The following GCFC2 variants were observed in gnomAD, a reference collection of about 807,000 sequenced individuals.
The protein encoded by GCFC2 is GC-rich sequence DNA-binding factor 2, also known as intron Large complex component GCFC2.
Under a neutral mutation model 99.4 loss-of-function variants are expected in GCFC2, and 102 were observed. That is an observed-to-expected ratio of 1.03 (90% CI 0.87 to 1.21). GCFC2 has a LOEUF of 1.21. Ranked by LOEUF, GCFC2 falls within the 50% of genes most tolerant of loss-of-function variation. The pLI is 0.00. For synonymous variants in GCFC2, 338 were observed against 316.8 expected, an observed-to-expected ratio of 1.07 and a Z score of -0.71; for missense variants, 973 against 920.9, an observed-to-expected ratio of 1.06 and a Z score of -0.73.
intron 11 of GCFC2, among the ~76,000 whole-genome samples, chr2:75,681,940 CCAGT>C: frequency 1.3e-5 from 2 of 152,032 alleles, no homozygotes; most frequent in Non-Finnish European, 1.5e-5. Context: ...GCCAGCAGCC[CCAGT>C]CAGGGACTTA....
At chr2:75,709,796 A>T (rs1037425424) in intron 1 of GCFC2, among the ~76,000 whole-genome samples, 7 of 152,242 alleles carry the variant, frequency 4.6e-5, no homozygotes, top group African/African-American at 1.7e-4. Flanking sequence ...GTTGTACACT[A>T]TAAGTATATA....
At chr2:75,696,566 G>C (rs958380758) in intron 4 of GCFC2, among the ~76,000 whole-genome samples, 1 of 152,134 alleles carries the variant, frequency 6.6e-6, no homozygotes, top group Admixed American at 6.5e-5. Flanking sequence ...GCTAATTTTG[G>C]TTATGGTCTA....
At chr2:75,698,032 C>T (rs569504960) in intron 4 of GCFC2, 2 of 152,278 alleles carry the variant, frequency 1.3e-5, no homozygotes, top group East Asian at 3.9e-4. Context: ...ACAGGAGCCA[C>T]AGGAAAGTAA....
chr2:75,685,148 G>T (rs1445905011), intron 11 of GCFC2, among the ~76,000 whole-genome samples: 9 of 152,070 alleles, frequency 5.9e-5, no homozygotes, highest in Admixed American at 5.9e-4. Flanking sequence ...TATGGCACGT[G>T]TACACCTATG....
chr2:75,685,607 T>C (rs1370172293), intron 11 of GCFC2, among the ~76,000 whole-genome samples: 2 of 152,156 alleles, frequency 1.3e-5, no homozygotes, highest in Non-Finnish European at 2.9e-5. Flanking sequence ...CCCAGTGCTA[T>C]AGTATCTCAG....
Position 75,694,321 on chromosome 2 carries a change from A to T in GCFC2, c.940T>A (p.Ser314Thr). ...KSTIQNLESS[S>T]NQALNCKFYK... The stretch of plus-strand genomic sequence containing the variant: ...AATTTACAATTTAGAGCTTGATTTG[A>T]TGAACTCTCTAGGTTCTGGATGGTA... The change falls in exon 6 of 17, where the codon TCA becomes ACA. Residue 314 changes from serine (S) to threonine (T), a missense_variant. Ser to Thr is a moderately conservative substitution (Grantham distance 58). Coordinates refer to ENST00000321027, the MANE Select transcript of GCFC2 (RefSeq NM_003203.5). 1 of 1,363,304 alleles carries T rather than the reference A, an allele frequency of 7.3e-7. No individual in the cohort carries two copies. The highest frequency in any genetic ancestry group is 1.3e-5 in the South Asian group (1 of 76,860). The allele number at this position is 1,363,304 out of a possible 1,614,324, so 84.5% of individuals were successfully genotyped here. A position where few individuals can be genotyped will look rare whatever the true frequency, so the allele number is the denominator to read the frequency against.
chr2:75,680,373 T>C (rs1017437304), intron 11 of GCFC2, 59 bp from the exon 12 acceptor site: 2 of 1,438,240 alleles, frequency 1.4e-6, no homozygotes, highest in Non-Finnish European at 1.9e-6. Context: ...GCTTTTCATA[T>C]ACAAATAATC....
chr2:75,708,956 CCAAAA>C (rs1256202804), intron 1 of GCFC2, among the ~76,000 whole-genome samples: 1 of 152,098 alleles, frequency 6.6e-6, no homozygotes, highest in African/African-American at 2.4e-5. Flanking sequence ...AATACTTCAA[CCAAAA>C]CAAAATAGCA....
chr2:75,691,284 ATC>A (rs1272574202), intron 7 of GCFC2, among the ~76,000 whole-genome samples: 1 of 152,236 alleles, frequency 6.6e-6, no homozygotes, highest in East Asian at 1.9e-4. Flanking sequence ...AATGTTGGGT[ATC>A]TCTCTCTCAA....
intron 9 of GCFC2, 68 bp from the exon 10 acceptor site, chr2:75,689,293 C>T (rs986850982): frequency 8.0e-5 from 65 of 814,386 alleles, no homozygotes; most frequent in Middle Eastern, 2.7e-4. Context: ...CTTAAAAACA[C>T]GGTCATGATG....
intron 6 of GCFC2, 33 bp from the exon 7 acceptor site, chr2:75,692,133 T>C: frequency 5.9e-6 from 6 of 1,011,434 alleles, no homozygotes; most frequent in Non-Finnish European, 8.2e-6. Flanking sequence ...ATTTTGCAGG[T>C]CATCGATAAT....
At chr2:75,680,980 G>A (rs115080504) in intron 11 of GCFC2, among the ~76,000 whole-genome samples, 1 of 152,304 alleles carries the variant, frequency 6.6e-6, no homozygotes, top group African/African-American at 2.4e-5. Context: ...TTTTGTGGAT[G>A]AGATCCCAAG....
intron 4 of GCFC2, among the ~76,000 whole-genome samples, chr2:75,700,050 G>GCC (rs1383597205): frequency 1.3e-5 from 2 of 152,078 alleles, no homozygotes; most frequent in Admixed American, 6.6e-5. Flanking sequence ...ACAGGTGTGT[G>GCC]CCACCATGAC....
At chr2:75,701,476 G>A in intron 3 of GCFC2, 189 bp from the exon 4 acceptor site, 1 of 580,412 alleles carries the variant, frequency 1.7e-6, no homozygotes. Context: ...AATATTGGGA[G>A]GTTAAGTAAC....
chr2:75,671,067 G>T (rs987009633), intron 14 of GCFC2, among the ~76,000 whole-genome samples: 1 of 152,050 alleles, frequency 6.6e-6, no homozygotes, highest in Admixed American at 6.6e-5. Flanking sequence ...CAGTGTTTCA[G>T]TCTTTCTCTT....
chr2:75,672,870 A>G (rs947604393), intron 13 of GCFC2, among the ~76,000 whole-genome samples: 1 of 152,234 alleles, frequency 6.6e-6, no homozygotes, highest in Non-Finnish European at 1.5e-5. Context: ...CTATGTTCCT[A>G]GGATATATGT....
chr2:75,683,449 A>G (rs1679665628), intron 11 of GCFC2, among the ~76,000 whole-genome samples: 1 of 150,350 alleles, frequency 6.7e-6, no homozygotes, highest in African/African-American at 2.5e-5. Flanking sequence ...AGGAAGCGCT[A>G]AACATGGAAA....
At chr2:75,691,846 T>C (rs1680083682) in intron 7 of GCFC2, 131 bp downstream of exon 7, 2 of 375,886 alleles carry the variant, frequency 5.3e-6, no homozygotes, top group Admixed American at 4.7e-5. Context: ...TTTGAGTTTT[T>C]GGAAGTTGGT....
chr2:75,710,299 CTG>C (rs952471745), intron 1 of GCFC2: 8 of 430,558 alleles, frequency 1.9e-5, no homozygotes, highest in Admixed American at 4.5e-5. Flanking sequence ...ACTTTGATAA[CTG>C]TGTTAGTTAT....
Sources: allele counts gnomAD v4.1 joint callset (sites outside exome capture counted in the v4.1 genomes callset), GRCh38; gene constraint gnomAD v4.1.1; transcripts MANE v1.5; gene names NCBI Gene and HGNC (gene_info 2026-07-23, HGNC 2026-07-21).